The following KDM4C variants were observed in gnomAD, a reference collection of about 807,000 sequenced individuals.
KDM4C encodes the protein lysine-specific demethylase 4C.
In KDM4C, 81 loss-of-function variants were observed where a neutral mutation model predicts 129.3. That is an observed-to-expected ratio of 0.63 (90% confidence interval 0.52 to 0.75). The LOEUF is 0.75. KDM4C is among the 30% of genes least tolerant of loss of function. The pLI is 0.00. For missense variants in KDM4C, 1,457 were observed against 1,304.0 expected (o/e 1.12, Z -1.81); for synonymous variants, 573 against 456.1 (o/e 1.26, Z -3.26).
chr9:6,897,619 G>A (rs1376692255), intron 8 of KDM4C, among the ~76,000 whole-genome samples: 1 of 152,174 alleles, frequency 6.6e-6, no homozygotes, highest in East Asian at 1.9e-4. Flanking sequence ...ATGGGCAGAG[G>A]TCAGATTTGG....
intron 13 of KDM4C, among the ~76,000 whole-genome samples, chr9:7,012,102 T>C (rs1459576753): frequency 2.6e-5 from 4 of 152,212 alleles, no homozygotes; most frequent in Non-Finnish European, 5.9e-5. Flanking sequence ...AGGGTCATGC[T>C]CTGTTGCCCA....
chr9:6,815,871 T>C (rs1831992296), intron 4 of KDM4C, among the ~76,000 whole-genome samples: 1 of 152,220 alleles, frequency 6.6e-6, no homozygotes, highest in Non-Finnish European at 1.5e-5. Flanking sequence ...TAATGTTTCT[T>C]TGTGTCTCTT....
At chr9:7,149,857 C>G (rs898735772) in intron 19 of KDM4C, among the ~76,000 whole-genome samples, 1 of 152,184 alleles carries the variant, frequency 6.6e-6, no homozygotes, top group African/African-American at 2.4e-5. Context: ...GAAGAGGTTA[C>G]TGAAAGAAGG....
At chr9:7,066,153 C>G (rs1018016315) in intron 17 of KDM4C, among the ~76,000 whole-genome samples, 1 of 152,114 alleles carries the variant, frequency 6.6e-6, no homozygotes. Flanking sequence ...ATAAAGGTCA[C>G]TTTTTTCTTT....
At chr9:6,781,086 G>A (rs899937037) in intron 1 of KDM4C, among the ~76,000 whole-genome samples, 1 of 152,042 alleles carries the variant, frequency 6.6e-6, no homozygotes, top group Non-Finnish European at 1.5e-5. Flanking sequence ...TCTGAGTCCC[G>A]GGGAAGTGAT....
chr9:7,016,469 C>T (rs1479201805), intron 15 of KDM4C, among the ~76,000 whole-genome samples: 1 of 147,858 alleles, frequency 6.8e-6, no homozygotes, highest in Non-Finnish European at 1.5e-5. Flanking sequence ...CTCCATTGCC[C>T]AGGCTGGAAT....
chr9:6,793,768 C>T (rs927892925), intron 2 of KDM4C, among the ~76,000 whole-genome samples: 1 of 152,070 alleles, frequency 6.6e-6, no homozygotes. Context: ...GTCTTGAACT[C>T]CTGACCTCAG....
chr9:7,084,611 C>A (rs570226631), intron 17 of KDM4C, among the ~76,000 whole-genome samples: 3 of 152,236 alleles, frequency 2.0e-5, no homozygotes, highest in African/African-American at 7.2e-5. Context: ...TTAAACAATC[C>A]GTCCATTTAG....
In KDM4C at chr9:6,740,498, T is replaced by C. The variant is rs150949288; in HGVS notation, c.49+19501T>C. On this transcript the variant is annotated intron_variant, in intron 1 of 17. Transcript: ENST00000536108. ...GATTACAGGCGTGAGCCACTGCGCC[T>C]GGCCTTTCACCCGGCCTAATTTTTA... 8.8e-3 allele frequency among the ~76,000 whole-genome samples: 1,279 copies of C among 145,114 alleles called. 15 individuals are homozygous for C. Among genetic ancestry groups the C allele is most frequent in the African/African-American group, 0.024 (931 of 39,146 alleles).
chr9:7,096,884 A>G (rs1039658269), intron 17 of KDM4C, among the ~76,000 whole-genome samples: 3 of 152,150 alleles, frequency 2.0e-5, no homozygotes, highest in African/African-American at 4.8e-5. Flanking sequence ...ATTAGCTGCT[A>G]CTACTAAGCG....
chr9:6,777,136 C>T (rs770589367), intron 1 of KDM4C, among the ~76,000 whole-genome samples: 1 of 152,116 alleles, frequency 6.6e-6, no homozygotes, highest in Non-Finnish European at 1.5e-5. Flanking sequence ...ATCTGTATTG[C>T]TGTTGTTGAT....
chr9:6,850,483 T>C (rs543921491), intron 5 of KDM4C, among the ~76,000 whole-genome samples: 1 of 152,300 alleles, frequency 6.6e-6, no homozygotes, highest in Non-Finnish European at 1.5e-5. Context: ...TCTTGCTCTG[T>C]CGCCCAAGCT....
intron 8 of KDM4C, among the ~76,000 whole-genome samples, chr9:6,897,823 CA>C (rs758706193): frequency 1.4e-4 from 22 of 152,316 alleles, no homozygotes; most frequent in South Asian, 1.2e-3. Context: ...GTTGGCATAA[CA>C]GAGTGAAATG....
At chr9:6,728,339 G>C (rs1817210862) in intron 1 of KDM4C, among the ~76,000 whole-genome samples, 1 of 152,014 alleles carries the variant, frequency 6.6e-6, no homozygotes, top group African/African-American at 2.4e-5. Flanking sequence ...TTTGAGACCA[G>C]CCTGGCCAAC....
At chr9:7,067,103 C>G (rs1832528930) in intron 17 of KDM4C, among the ~76,000 whole-genome samples, 1 of 152,182 alleles carries the variant, frequency 6.6e-6, no homozygotes, top group African/African-American at 2.4e-5. Context: ...CCTGGCAGTC[C>G]TAGCACTGAA....
chr9:7,018,930 G>C (rs1316213407), intron 15 of KDM4C, among the ~76,000 whole-genome samples: 1 of 152,114 alleles, frequency 6.6e-6, no homozygotes, highest in Non-Finnish European at 1.5e-5. Flanking sequence ...ATTTACAGTT[G>C]AACTGGGAAC....
intron 4 of KDM4C, among the ~76,000 whole-genome samples, chr9:6,819,262 A>T (rs1832628434): frequency 6.6e-6 from 1 of 152,164 alleles, no homozygotes; most frequent in Non-Finnish European, 1.5e-5. Context: ...AGGTTGATGG[A>T]CTTTGGTTTG....
chr9:6,866,118 C>G (rs75624327), intron 5 of KDM4C, among the ~76,000 whole-genome samples: 87 of 151,994 alleles, frequency 5.7e-4, no homozygotes, highest in African/African-American at 2.0e-3. Context: ...CTCCTGACCT[C>G]AGGTGATCCA....
At chr9:6,860,297 C>T (rs1840688954) in intron 5 of KDM4C, among the ~76,000 whole-genome samples, 1 of 152,132 alleles carries the variant, frequency 6.6e-6, no homozygotes, top group Admixed American at 6.5e-5. Flanking sequence ...TGGAAACATT[C>T]TTGAAGTCAG....
Sources: gnomAD v4.1 joint callset for allele counts (sites outside exome capture counted in the v4.1 genomes callset) on GRCh38, gnomAD v4.1.1 for gene constraint, MANE v1.5 for transcripts, NCBI Gene and HGNC (gene_info 2026-07-23, HGNC 2026-07-21) for gene names.